Variants in CLCN6 observed in about 807,000 individuals in gnomAD.
CLCN6 encodes the protein Cl-/H+ antiporter 6.
CLCN6 carries 70 observed loss-of-function variants against 109.8 expected under a neutral mutation model. The ratio of observed to expected loss-of-function variants is 0.64; its 90% confidence interval spans 0.53 to 0.78. The LOEUF (loss-of-function observed/expected upper bound fraction) is 0.78, where lower values mean the gene tolerates loss of function less well. Among genes scored for constraint, CLCN6 ranks in the 30% least tolerant of loss-of-function variants. The pLI is 0.00. For synonymous variants in CLCN6, 444 were observed against 447.8 expected (o/e 0.99, Z 0.11); for missense variants, 984 against 1,142.3 (o/e 0.86, Z 2.00).
At position 11,833,773 on chromosome 1, in the gene CLCN6, T is replaced by A. The variant is rs74771026; in HGVS notation, c.1373-104T>A. On this transcript the variant is annotated intron_variant, in intron 14 of 22. Transcript: ENST00000346436. ...AGACAAAAGATTGGTTTCTGCCTCC[T>A]GTGTTGGAAGGGGAACTGGTATGGG... 0.049 allele frequency: 76,349 copies of A among 1,558,880 alleles called. 2,044 individuals are homozygous for A. Among genetic ancestry groups the A allele is most frequent in the Middle Eastern group, 0.11 (610 of 5,670 alleles).
In CLCN6 at chr1:11,836,988, C is replaced by T; in HGVS notation, c.1981-11C>T. 1 of 1,606,826 alleles carries T rather than the reference C, an allele frequency of 6.2e-7. No homozygotes were observed. The highest frequency in any genetic ancestry group is 8.5e-7 in the Non-Finnish European group (1 of 1,179,950). On this transcript the variant is annotated splice_polypyrimidine_tract_variant and intron_variant, in intron 18 of 22. Transcript: ENST00000346436. ...CCCATGCGCAGTAGCCTGTGGCCTC[C>T]CCACCCACAGAAATCCAGCATCCTC...
chr1:11,834,270 T>G lies in CLCN6; in HGVS notation c.1561T>G (p.Phe521Val), dbSNP rs776387131. Residue 521 changes from phenylalanine to valine, a missense_variant, in exon 16 of 23, where the codon TTT becomes GTT. Phe to Val is a conservative substitution (Grantham distance 50, BLOSUM62 -1). Coordinates refer to ENST00000346436, the MANE Select transcript of CLCN6 (RefSeq NM_001286.5). The surrounding 1 kb of genome is among the most constrained non-coding windows in gnomAD (Gnocchi z 4.5). ...IGLGHIYSGT[F>V]ALIGAAAFLG... The stretch of plus-strand genomic sequence containing the variant: ...ATTGGGCCACATCTATTCGGGGACC[T>G]TTGCCCTGATTGGTGCAGCGGCTTT... The G allele has an allele frequency of 1.9e-6, 3 of 1,614,062 alleles. No individual in the cohort carries two copies. In the Admixed American group the frequency reaches 5.0e-5, roughly 27 times the overall value.
chr1:11,830,242 G>A (rs1340326634), intron 13 of CLCN6: 1 of 152,224 alleles, frequency 6.6e-6, no homozygotes, highest in Non-Finnish European at 1.5e-5. Context: ...TCAGCCAGAT[G>A]TGTGATTCCA....
At chr1:11,823,072 A>G (rs112052094) in intron 6 of CLCN6, among the ~76,000 whole-genome samples, 2 of 152,228 alleles carry the variant, frequency 1.3e-5, no homozygotes, top group Non-Finnish European at 2.9e-5. Context: ...TGCCATGCGC[A>G]CTACCTGGGT....
intron 1 of CLCN6, 99 bp downstream of exon 1, chr1:11,806,448 T>A: frequency 9.1e-7 from 1 of 1,104,414 alleles, no homozygotes; most frequent in Non-Finnish European, 1.2e-6. Context: ...GGCCCGCAGG[T>A]GGCAGCGGGT....
At chr1:11,826,040 A>G in intron 8 of CLCN6, 116 bp from the exon 9 acceptor site, 1 of 707,906 alleles carries the variant, frequency 1.4e-6, no homozygotes, top group Non-Finnish European at 2.4e-6. Flanking sequence ...CCATAGTTTC[A>G]GTCCTAGGCT....
chr1:11,835,269 A>G (rs576311726), intron 17 of CLCN6, among the ~76,000 whole-genome samples: 1 of 152,086 alleles, frequency 6.6e-6, no homozygotes, highest in South Asian at 2.1e-4. Context: ...TGTTTATTTT[A>G]TTATTATTGT....
At chr1:11,824,456 T>C (rs369290855) in intron 7 of CLCN6, 30 bp from the exon 8 acceptor site, 6 of 1,598,928 alleles carry the variant, frequency 3.8e-6, no homozygotes, top group Admixed American at 1.7e-5. Context: ...CTGCACTGAC[T>C]GTTGGTCTTT....
intron 9 of CLCN6, 92 bp from the exon 10 acceptor site, chr1:11,826,997 T>G: frequency 6.7e-7 from 1 of 1,486,380 alleles, no homozygotes; most frequent in Non-Finnish European, 9.1e-7. Context: ...CATTCACAGG[T>G]GTGAGAAAAT....
At chr1:11,837,247 T>C in intron 19 of CLCN6, 91 bp downstream of exon 19, 1 of 1,586,874 alleles carries the variant, frequency 6.3e-7, no homozygotes, top group Non-Finnish European at 8.6e-7. Flanking sequence ...GCTCCTGAGT[T>C]TCCTGGGAAA....
At chr1:11,812,335 C>A (rs181389795) in intron 2 of CLCN6, among the ~76,000 whole-genome samples, 2 of 152,196 alleles carry the variant, frequency 1.3e-5, no homozygotes, top group Non-Finnish European at 2.9e-5. Flanking sequence ...GGGCACGGAG[C>A]TTTCATGCCC....
chr1:11,835,501 C>G (rs571826567), intron 17 of CLCN6, among the ~76,000 whole-genome samples: 1 of 152,254 alleles, frequency 6.6e-6, no homozygotes, highest in South Asian at 2.1e-4. Context: ...TTTTGAACTC[C>G]TGGGCTCAAG....
Position 11,826,205 on chromosome 1 carries a change from G to A in CLCN6, c.698G>A (p.Arg233Gln), listed in dbSNP as rs1206104810. 15 of 1,612,898 alleles carry A rather than the reference G, an allele frequency of 9.3e-6. No homozygotes were observed. Among genetic ancestry groups the A allele is most frequent in the African/African-American group, 5.3e-5 (4 of 74,842 alleles). The change falls in exon 9 of 23, where the codon CGA becomes CAA. Residue 233 changes from arginine to glutamine, a missense_variant. Coordinates refer to ENST00000346436, the MANE Select transcript of CLCN6 (RefSeq NM_001286.5). ...RKIQFNFPYF[R>Q]SDRDKRDFVS... ...ATCCAGTTTAACTTCCCCTATTTCC[G>A]AAGCGACAGGTATGGAAAGGTTAGA...
At position 11,828,515 on chromosome 1, in the gene CLCN6, G is replaced by A. The variant is rs375121549; in HGVS notation, c.1012G>A (p.Val338Ile). Reference sequence around the variant, plus strand: ...GACAGCTATGGATTTGGGTTTCTTCGTCGTGATGGGGGTCATTGGGGGCCT... The same window carrying A: ...GACAGCTATGGATTTGGGTTTCTTCATCGTGATGGGGGTCATTGGGGGCCT... ...LWTAMDLGFFVVMGVIGGLLG... is the reference protein window; with the variant it reads ...LWTAMDLGFFIVMGVIGGLLG... Residue 338 changes from valine (V) to isoleucine (I), a missense_variant, in exon 12 of 23, where the codon GTC becomes ATC. By Grantham distance (29) the Val-to-Ile change is conservative. Transcript: ENST00000346436. 11 of 1,613,928 alleles carry A rather than the reference G, an allele frequency of 6.8e-6. No homozygotes were observed. Among genetic ancestry groups the A allele is most frequent in the African/African-American group, 2.7e-5 (2 of 74,860 alleles).
chr1:11,831,402 A>G (rs1169834003), intron 13 of CLCN6, among the ~76,000 whole-genome samples: 2 of 151,960 alleles, frequency 1.3e-5, no homozygotes, highest in East Asian at 3.9e-4. Flanking sequence ...TGATCCGCCC[A>G]CCTCGGCCTC....
At position 11,829,412 on chromosome 1, in the gene CLCN6, T is replaced by A. The variant is rs1427833675; in HGVS notation, c.1248+90T>A. ...TTCCTCTGTTGAGAACTAATAGATA[T>A]GTTGGGTTCATCCTTCCACACCCAT... On this transcript the variant is annotated intron_variant, in intron 13 of 22. Coordinates refer to ENST00000346436, the MANE Select transcript of CLCN6 (RefSeq NM_001286.5). 6 of 1,458,604 alleles carry A rather than the reference T, an allele frequency of 4.1e-6. No individual in the cohort carries two copies. The East Asian group carries it at 1.4e-4, about 33-fold the overall frequency. 90.4% of individuals were successfully genotyped at this position (1,458,604 alleles called of 1,614,324 possible). A position where few individuals can be genotyped will look rare whatever the true frequency, so the allele number is the denominator to read the frequency against.
chr1:11,829,051 A>G (rs1468357265), intron 12 of CLCN6, 145 bp from the exon 13 acceptor site: 19 of 936,142 alleles, frequency 2.0e-5, no homozygotes, highest in South Asian at 1.1e-4. Context: ...TCACGGATCA[A>G]TTCTGCACAC....
In CLCN6 at chr1:11,837,383, A is replaced by G; in HGVS notation, c.2179A>G (p.Ser727Gly). ...CAACCTATACCCTGACCAGTCCCCAAGTGAAGACTGGACCATGGAGGAGCG... is the reference window on the plus strand; with the variant it reads ...CAACCTATACCCTGACCAGTCCCCAGGTGAAGACTGGACCATGGAGGAGCG... ...YPNLYPDQSP[S>G]EDWTMEERFR... Residue 727 changes from serine (S) to glycine (G), a missense_variant, in exon 20 of 23, where the codon AGT becomes GGT. By Grantham distance (56) the Ser-to-Gly change is moderately conservative (BLOSUM62 0). Transcript: ENST00000346436. 2 of 1,614,044 alleles carry G rather than the reference A, an allele frequency of 1.2e-6. No homozygotes were observed. The highest frequency in any genetic ancestry group is 1.7e-6 in the Non-Finnish European group (2 of 1,179,874).
In CLCN6 at chr1:11,819,552, CAT is replaced by C; in HGVS notation, c.345_346del (p.Ser116GlyfsTer16). 6.2e-7 allele frequency: 1 copy of C among 1,614,004 alleles called. No homozygotes were observed. Among genetic ancestry groups the C allele is most frequent in the Non-Finnish European group, 8.5e-7 (1 of 1,179,902 alleles). On this transcript the variant is annotated frameshift_variant and splice_region_variant, in exon 5 of 23. Transcript: ENST00000346436. LOFTEE classifies it high-confidence loss of function. The stretch of plus-strand genomic sequence containing the variant: ...CAACTCAAGTTCGGAGTGGTACAGA[CAT>C]GTATCCTTTTCACGGTTCCTGGTGT...
Sources: allele counts gnomAD v4.1 joint callset (sites outside exome capture counted in the v4.1 genomes callset), GRCh38; gene constraint gnomAD v4.1.1; non-coding constraint Gnocchi (gnomAD v3.1); transcripts MANE v1.5; gene names NCBI Gene and HGNC (gene_info 2026-07-23, HGNC 2026-07-21).